The following KDM4C variants were observed in gnomAD, a reference collection of about 807,000 sequenced individuals.
KDM4C encodes the protein lysine-specific demethylase 4C.
A neutral mutation model predicts 129.3 loss-of-function variants in KDM4C; 81 were observed. The ratio of observed to expected loss-of-function variants is 0.63; its 90% CI spans 0.52 to 0.75. The LOEUF (loss-of-function observed/expected upper bound fraction) is 0.75, where lower values mean the gene tolerates loss of function less well. Among genes scored for constraint, KDM4C ranks in the 30% least tolerant of loss-of-function variants. The probability of loss-of-function intolerance (pLI) is 0.00; values close to 1 mark genes in which losing one functional copy is unlikely to be tolerated. For synonymous variants in KDM4C, 573 were observed against 456.1 expected, an observed-to-expected ratio of 1.26 and a Z score of -3.26; for missense variants, 1,457 against 1,304.0, an observed-to-expected ratio of 1.12 and a Z score of -1.81.
chr9:6,927,090 T>TCTATCTAG (rs1184602501), intron 8 of KDM4C, among the ~76,000 whole-genome samples: 2 of 22,290 alleles, frequency 9.0e-5, no homozygotes, highest in African/African-American at 4.3e-4. Context: ...AAAAAAATTT[T>TCTATCTAG]CTATCTATCT....
chr9:6,843,259 A>ACAGC (rs1397260922), intron 4 of KDM4C, among the ~76,000 whole-genome samples: 8 of 152,352 alleles, frequency 5.3e-5, no homozygotes, highest in Admixed American at 4.6e-4. Flanking sequence ...CAGGATGCTG[A>ACAGC]CAGCCCTCTT....
At chr9:7,089,677 G>A (rs1835560847) in intron 17 of KDM4C, among the ~76,000 whole-genome samples, 1 of 152,122 alleles carries the variant, frequency 6.6e-6, no homozygotes, top group African/African-American at 2.4e-5. Flanking sequence ...CAAGTTACAT[G>A]TTCCCATAAA....
In KDM4C at chr9:6,770,571, A is replaced by T. The variant is rs1821559521; in HGVS notation, c.-18+12368A>T. On this transcript the variant is annotated intron_variant, in intron 1 of 21. Coordinates refer to ENST00000381309, the MANE Select transcript of KDM4C (RefSeq NM_015061.6). The stretch of plus-strand genomic sequence containing the variant: ...ATAATACATCACATTCATTTCCCTC[A>T]AGTTTGTTTTTTTTTTTGACAGGTA... 2.0e-5 allele frequency among the ~76,000 whole-genome samples: 3 copies of T among 151,688 alleles called. No homozygotes were observed. In the South Asian group the frequency reaches 6.2e-4, roughly 32 times the overall value.
chr9:6,757,909 C>T, upstream of KDM4C: 1 of 985,418 alleles, frequency 1.0e-6, no homozygotes, highest in Non-Finnish European at 1.2e-6. Flanking sequence ...GTTTGTAAGC[C>T]CACGTGACTC....
In KDM4C at chr9:7,038,678, A is replaced by G. The variant is rs1415183841; in HGVS notation, c.2260-8184A>G. 4.6e-5 allele frequency among the ~76,000 whole-genome samples: 7 copies of G among 152,052 alleles called. No individual in the cohort carries two copies. The East Asian group carries it at 1.4e-3, about 29-fold the overall frequency. ...CTCCATAGATTCAAATATTTAGGTT[A>G]GATTATAAGAAGTCAGCCTGCTGAG... On this transcript the variant is annotated intron_variant, in intron 15 of 21. Coordinates refer to ENST00000381309, the MANE Select transcript of KDM4C (RefSeq NM_015061.6).
At chr9:7,091,112 G>T (rs1205878752) in intron 17 of KDM4C, among the ~76,000 whole-genome samples, 8 of 152,106 alleles carry the variant, frequency 5.3e-5, no homozygotes, top group African/African-American at 1.2e-4. Context: ...CTGATCTTCT[G>T]TTGAGTTCAT....
chr9:7,170,594 C>T, intron 21 of KDM4C: 1 of 949,604 alleles, frequency 1.1e-6, no homozygotes, highest in South Asian at 4.9e-5. Context: ...ATTCAGTGGA[C>T]CCTGAAATGA....
intron 21 of KDM4C, chr9:7,171,002 T>C (rs1844906437): frequency 6.3e-6 from 1 of 157,764 alleles, no homozygotes; most frequent in African/African-American, 2.4e-5. Context: ...GTTAAAGCCA[T>C]CCTGGGTAGC....
chr9:6,922,622 C>T (rs1821740201), intron 8 of KDM4C, among the ~76,000 whole-genome samples: 1 of 152,226 alleles, frequency 6.6e-6, no homozygotes, highest in Non-Finnish European at 1.5e-5. Flanking sequence ...TGGCCCGTGC[C>T]TGTAGTCTCA....
chr9:6,868,179 A>C (rs768245983), intron 5 of KDM4C, among the ~76,000 whole-genome samples: 4 of 151,992 alleles, frequency 2.6e-5, no homozygotes, highest in African/African-American at 4.8e-5. Flanking sequence ...AAGCCCCCCG[A>C]GAGAAAGAAC....
chr9:6,986,360 T>G lies in KDM4C; in HGVS notation c.1371T>G (p.Ser457Arg). 1 of 1,609,674 alleles carries G rather than the reference T, an allele frequency of 6.2e-7. No homozygotes were observed. The highest frequency in any genetic ancestry group is 1.1e-5 in the South Asian group (1 of 90,878). The change falls in exon 11 of 22, where the codon AGT becomes AGG. Residue 457 changes from serine (S) to arginine (R), a missense_variant. Coordinates refer to ENST00000381309, the MANE Select transcript of KDM4C (RefSeq NM_015061.6). ...HIKLSGNSCL[S>R]TSVTEDIKTE... is the part of the protein sequence containing the mutation. ...TATCCTCAGGAAACAGCTGCTTAAG[T>G]ACATCTGTAACAGAAGACATAAAAA...
Position 7,155,505 on chromosome 9 carries a change from G to A in KDM4C, c.2782-9733G>A, listed in dbSNP as rs187898442. On this transcript the variant is annotated intron_variant, in intron 19 of 21. Coordinates refer to ENST00000381309, the MANE Select transcript of KDM4C (RefSeq NM_015061.6). ...TATTTCTCCTAAGGCTATCCCTCCC[G>A]CATCCCCCCACCCCTCAACAGGCCC... Among the ~76,000 whole-genome samples, 23 of 151,892 alleles carry A rather than the reference G, an allele frequency of 1.5e-4. No homozygotes were observed. The East Asian group carries it at 4.5e-3, about 30-fold the overall frequency.
chr9:7,063,356 T>A (rs1333058904), intron 17 of KDM4C, among the ~76,000 whole-genome samples: 2 of 152,216 alleles, frequency 1.3e-5, no homozygotes, highest in Non-Finnish European at 2.9e-5. Context: ...TGACTGTCAC[T>A]TCCCCATAAG....
chr9:6,728,814 C>G (rs1489891429), intron 1 of KDM4C, among the ~76,000 whole-genome samples: 10 of 151,838 alleles, frequency 6.6e-5, no homozygotes, highest in Admixed American at 5.3e-4. Flanking sequence ...CCACCACACT[C>G]CAGCCTAGGT....
At position 6,846,123 on chromosome 9, in the gene KDM4C, G is replaced by T. The variant is rs77129947; in HGVS notation, c.436-3384G>T. 4.7e-3 allele frequency among the ~76,000 whole-genome samples: 720 copies of T among 152,310 alleles called. 30 individuals are homozygous for T. The East Asian group carries it at 0.089, about 19-fold the overall frequency. On this transcript the variant is annotated intron_variant, in intron 4 of 21. Transcript: ENST00000381309. ...GCAGCTTCACGTGTTTGCTGCTCCTGAACCTCAGATCTTTGTTGACAATGA... is the reference window on the plus strand; with the variant it reads ...GCAGCTTCACGTGTTTGCTGCTCCTTAACCTCAGATCTTTGTTGACAATGA...
intron 4 of KDM4C, among the ~76,000 whole-genome samples, chr9:6,838,993 A>G (rs1836396063): frequency 1.3e-5 from 2 of 152,210 alleles, no homozygotes. Context: ...ATCTTTAAAG[A>G]ACTAACCAAA....
chr9:6,974,483 G>T (rs73397846), intron 8 of KDM4C, among the ~76,000 whole-genome samples: 3,968 of 152,230 alleles, frequency 0.026, 101 homozygotes, highest in African/African-American at 0.065. Flanking sequence ...CCTGTTTCCC[G>T]AGTAGCTGAG....
intron 17 of KDM4C, among the ~76,000 whole-genome samples, chr9:7,060,694 A>C (rs1374212254): frequency 2.0e-5 from 3 of 151,802 alleles, no homozygotes; most frequent in Admixed American, 1.3e-4. Context: ...GTTGGCCAGG[A>C]TGGTCTCAAA....
At chr9:6,959,361 T>A (rs187859544) in intron 8 of KDM4C, among the ~76,000 whole-genome samples, 418 of 152,326 alleles carry the variant, frequency 2.7e-3, no homozygotes, top group African/African-American at 9.7e-3. Flanking sequence ...CCTGTCCTTT[T>A]CTTCAGATAC....
Sources: allele counts gnomAD v4.1 joint callset (sites outside exome capture counted in the v4.1 genomes callset), GRCh38; gene constraint gnomAD v4.1.1; transcripts MANE v1.5; gene names NCBI Gene and HGNC (gene_info 2026-07-23, HGNC 2026-07-21).